U2SURP: variants seen among roughly 807,000 people sequenced by gnomAD.
U2SURP encodes the protein U2 snRNP associated SURP domain containing.
In U2SURP, 9 loss-of-function variants were observed where a neutral mutation model predicts 144.9. That is an observed-to-expected ratio of 0.06 (90% CI 0.04 to 0.11). The LOEUF is 0.11. Ranked by LOEUF, U2SURP falls within the 10% of genes least tolerant of loss-of-function variation. The pLI is 1.00. For synonymous variants in U2SURP, 408 were observed against 396.8 expected, an observed-to-expected ratio of 1.03 and a Z score of -0.33; for missense variants, 724 against 1,226.7, an observed-to-expected ratio of 0.59 and a Z score of 6.12.
chr3:143,053,535 A>ATT (rs11441481), intron 25 of U2SURP, 141 bp from the exon 26 acceptor site: 7,949 of 465,918 alleles, frequency 0.017, no homozygotes, highest in Middle Eastern at 0.025. Context: ...GAAGGGGTAG[A>ATT]TTTTTTTTTT....
chr3:143,045,105 T>TGA, intron 24 of U2SURP, among the ~76,000 whole-genome samples: 1 of 152,152 alleles, frequency 6.6e-6, no homozygotes, highest in African/African-American at 2.4e-5. Context: ...CTGCGGTGGC[T>TGA]CATGCCTGTA....
chr3:143,022,356 G>C (rs548588054), intron 10 of U2SURP, 141 bp from the exon 11 acceptor site: 163 of 632,854 alleles, frequency 2.6e-4, no homozygotes, highest in Middle Eastern at 1.2e-3. Context: ...TTTTACTTGT[G>C]TGGCGTTCCT....
chr3:143,005,141 CTTT>C (rs71153997), intron 1 of U2SURP, among the ~76,000 whole-genome samples: 1 of 136,912 alleles, frequency 7.3e-6, no homozygotes, highest in Non-Finnish European at 1.6e-5. Flanking sequence ...GTGACTATGG[CTTT>C]TTTTTTTTTT....
intron 1 of U2SURP, among the ~76,000 whole-genome samples, chr3:143,005,706 T>C (rs1453922530): frequency 6.6e-6 from 1 of 152,196 alleles, no homozygotes; most frequent in Non-Finnish European, 1.5e-5. Flanking sequence ...TTTTCACTTT[T>C]TGTTTTTTAT....
In U2SURP at chr3:143,057,544, C is replaced by CT. The variant is rs1334160505; in HGVS notation, c.*1095dup. 6.6e-6 allele frequency: 1 copy of CT among 151,932 alleles called. No individual in the cohort carries two copies. The allele number at this position is 151,932 out of a possible 1,614,324, so 9.4% of individuals were successfully genotyped here. ...TTTAAACCATTTGCAGAGTTGAACT[C>CT]TATTATGAAAATAAATTTGCTACGG... On this transcript the variant is annotated 3_prime_UTR_variant, in exon 28 of 28. Transcript: ENST00000473835.
chr3:143,047,028 C>T (rs1405372361), intron 24 of U2SURP, among the ~76,000 whole-genome samples: 10 of 133,432 alleles, frequency 7.5e-5, no homozygotes, highest in East Asian at 7.2e-4. Flanking sequence ...CTGGATGGGG[C>T]GGCTGGCCAG....
intron 25 of U2SURP, 132 bp from the exon 26 acceptor site, chr3:143,053,544 T>A: frequency 1.5e-6 from 1 of 646,172 alleles, no homozygotes; most frequent in Non-Finnish European, 2.4e-6. Context: ...GATTTTTTTT[T>A]TTTTAATAGT....
In U2SURP at chr3:143,014,426, A is replaced by C. The variant is rs761109095; in HGVS notation, c.321+17A>C. ...AAGAAAAAGGTAATGTTGAAAATGTATTTTGAATTATCCTTGGAAATGAAT... is the reference window on the plus strand; with the variant it reads ...AAGAAAAAGGTAATGTTGAAAATGTCTTTTGAATTATCCTTGGAAATGAAT... On this transcript the variant is annotated intron_variant, in intron 4 of 27. Coordinates refer to ENST00000473835, the MANE Select transcript of U2SURP (RefSeq NM_001080415.2). 1.3e-6 allele frequency: 2 copies of C among 1,523,230 alleles called. No homozygotes were observed. The highest frequency in any genetic ancestry group is 4.5e-5 in the East Asian group (2 of 43,964). The allele number at this position is 1,523,230 out of a possible 1,614,324, so 94.4% of individuals were successfully genotyped here.
At chr3:143,053,848 T>A in intron 26 of U2SURP, 54 bp downstream of exon 26, 2 of 1,380,090 alleles carry the variant, frequency 1.4e-6, no homozygotes, top group Non-Finnish European at 1.9e-6. Flanking sequence ...TTTGCAGTGG[T>A]GTTTTATAAT....
In U2SURP at chr3:143,033,356, TATA is replaced by T. The variant is rs758445004; in HGVS notation, c.1853+9_1853+11del. 312 of 1,377,802 alleles carry T rather than the reference TATA, an allele frequency of 2.3e-4. No individual in the cohort carries two copies. The highest frequency in any genetic ancestry group is 3.0e-4 in the Non-Finnish European group (297 of 992,562). 85.3% of individuals were successfully genotyped at this position (1,377,802 alleles called of 1,614,324 possible). ...GCTTCATATTATAGAAAATTGTAAG[TATA>T]ATGATATAACTGATATTCCTGAAAT... On this transcript the variant is annotated splice_region_variant and intron_variant, in intron 18 of 27. Transcript: ENST00000473835.
Position 143,056,591 on chromosome 3 carries a change from C to G in U2SURP, c.*141C>G, listed in dbSNP as rs1194354729. On this transcript the variant is annotated 3_prime_UTR_variant, in exon 28 of 28. Transcript: ENST00000473835. ...TTGTTTGTGTATGCATGTGTAAACT[C>G]ATGAGCAACTGCATCTGTAGATCTG... is the stretch of plus-strand genomic sequence containing the variant. 1.1e-6 allele frequency: 1 copy of G among 871,636 alleles called. No individual in the cohort carries two copies. The highest frequency in any genetic ancestry group is 1.7e-6 in the Non-Finnish European group (1 of 581,306). 54.0% of individuals were successfully genotyped at this position (871,636 alleles called of 1,614,324 possible).
chr3:143,018,181 A>G (rs1026384352), intron 6 of U2SURP, among the ~76,000 whole-genome samples: 2 of 152,056 alleles, frequency 1.3e-5, no homozygotes, highest in Non-Finnish European at 2.9e-5. Flanking sequence ...ATCCCTACCC[A>G]TTATCAGTCA....
intron 16 of U2SURP, among the ~76,000 whole-genome samples, chr3:143,030,837 A>G (rs763782068): frequency 3.3e-5 from 5 of 152,164 alleles, no homozygotes; most frequent in Non-Finnish European, 5.9e-5. Context: ...CATGAGGCCA[A>G]GAGTTCAAGA....
chr3:143,021,706 C>G, intron 10 of U2SURP, 151 bp downstream of exon 10: 1 of 699,018 alleles, frequency 1.4e-6, no homozygotes, highest in South Asian at 2.0e-5. Context: ...CCCAGGTTGT[C>G]TTGCCACATA....
rs138992033 is a variant in U2SURP at position 143,057,846 on chromosome 3, G to A, written c.*1396G>A. 9.5e-4 allele frequency: 145 copies of A among 152,398 alleles called. No homozygotes were observed. Among genetic ancestry groups the A allele is most frequent in the African/African-American group, 3.3e-3 (136 of 41,508 alleles). 9.4% of individuals were successfully genotyped at this position (152,398 alleles called of 1,614,324 possible). A position where few individuals can be genotyped will look rare whatever the true frequency, so the allele number is the denominator to read the frequency against. The stretch of plus-strand genomic sequence containing the variant: ...ATCTTGCCTAGTCACAAAATAAGAT[G>A]TGCACCCATGGTTTGGAGAGTTCCT... On this transcript the variant is annotated 3_prime_UTR_variant, in exon 28 of 28. Coordinates refer to ENST00000473835, the MANE Select transcript of U2SURP (RefSeq NM_001080415.2).
At chr3:143,001,981 T>C (rs1935555695) in intron 1 of U2SURP, among the ~76,000 whole-genome samples, 1 of 152,242 alleles carries the variant, frequency 6.6e-6, no homozygotes, top group Non-Finnish European at 1.5e-5. Flanking sequence ...CGCTCTCCTG[T>C]ATCTCAGCTT....
chr3:143,033,819 A>T (rs560768014), intron 18 of U2SURP, among the ~76,000 whole-genome samples: 28 of 152,270 alleles, frequency 1.8e-4, no homozygotes, highest in East Asian at 1.5e-3. Flanking sequence ...AGAATTTTTT[A>T]AAAAATTGGC....
At position 143,037,221 on chromosome 3, in the gene U2SURP, C is replaced by G; in HGVS notation, c.2107C>G (p.Leu703Val). ...TGATGGTGCCCCCATCGAGGAAGAGCTTGATGGTGCACCTCTGGAAGATGT... is the reference window on the plus strand; with the variant it reads ...TGATGGTGCCCCCATCGAGGAAGAGGTTGATGGTGCACCTCTGGAAGATGT... ...DLDGAPIEEE[L>V]DGAPLEDVDG... The change falls in exon 21 of 28, where the codon CTT becomes GTT. Residue 703 changes from leucine (L) to valine (V), a missense_variant. Around this residue, in one of 13 missense-constraint regions of U2SURP, gnomAD observed 116 missense variants for 167.9 expected, o/e 0.69. Transcript: ENST00000473835. The G allele has an allele frequency of 6.2e-7, 1 of 1,612,538 alleles. No homozygotes were observed. Among genetic ancestry groups the G allele is most frequent in the Non-Finnish European group, 8.5e-7 (1 of 1,179,206 alleles).
chr3:143,015,808 C>T (rs1334721865), intron 4 of U2SURP, among the ~76,000 whole-genome samples: 3 of 152,032 alleles, frequency 2.0e-5, no homozygotes, highest in African/African-American at 7.2e-5. Context: ...TATCAAGATT[C>T]TTCTGAGCTT....
Sources: gnomAD v4.1 joint callset for allele counts (sites outside exome capture counted in the v4.1 genomes callset) on GRCh38, gnomAD v4.1.1 for gene constraint, gnomAD v4.1.1 regional missense constraint, MANE v1.5 for transcripts, NCBI Gene and HGNC (gene_info 2026-07-23, HGNC 2026-07-21) for gene names.